ZNF407: variants seen among roughly 807,000 people sequenced by gnomAD.
ZNF407 encodes zinc finger protein 407.
ZNF407 carries 17 observed loss-of-function variants against 131.2 expected under a neutral mutation model. The observed-to-expected ratio is 0.13, with a 90% CI of 0.09 to 0.19. ZNF407 has a LOEUF of 0.19. ZNF407 is among the 10% of genes least tolerant of loss of function. ZNF407 has a pLI of 1.00. For synonymous variants in ZNF407, 1,156 were observed against 1,062.0 expected (o/e 1.09, Z -1.72); for missense variants, 2,681 against 2,830.6 (o/e 0.95, Z 1.20).
Position 74,961,057 on chromosome 18 carries a change from G to A in ZNF407, c.5428+40365G>A, listed in dbSNP as rs373677556. 4.0e-5 allele frequency among the ~76,000 whole-genome samples: 6 copies of A among 150,398 alleles called. No individual in the cohort carries two copies. The East Asian group carries it at 9.9e-4, about 25-fold the overall frequency. On this transcript the variant is annotated intron_variant, in intron 8 of 8. Coordinates refer to ENST00000299687, the MANE Select transcript of ZNF407 (RefSeq NM_017757.3). ...AGGAGAAGGTCCTGAGTGAGGACTG[G>A]GTGGAGGGATAGGAGAAGGTCCTGA...
At chr18:74,842,301 A>G (rs571144780) in intron 4 of ZNF407, among the ~76,000 whole-genome samples, 1 of 152,298 alleles carries the variant, frequency 6.6e-6, no homozygotes, top group Non-Finnish European at 1.5e-5. Flanking sequence ...GTTGGCCCAT[A>G]AATTTACAGC....
In ZNF407 at chr18:74,864,783, C is replaced by T. The variant is rs545339056; in HGVS notation, c.4878-12414C>T. On this transcript the variant is annotated intron_variant, in intron 4 of 8. Coordinates refer to ENST00000299687, the MANE Select transcript of ZNF407 (RefSeq NM_017757.3). ...AACTTGTGAGTGGCAAATAAGATCA[C>T]AATAAGATGAGGATGCTTGCGTAAT... is the stretch of plus-strand genomic sequence containing the variant. 3.9e-5 allele frequency among the ~76,000 whole-genome samples: 6 copies of T among 152,152 alleles called. No homozygotes were observed. The East Asian group carries it at 5.8e-4, about 15-fold the overall frequency.
At chr18:74,891,027 C>T (rs961272212) in intron 7 of ZNF407, among the ~76,000 whole-genome samples, 1 of 152,144 alleles carries the variant, frequency 6.6e-6, no homozygotes, top group Non-Finnish European at 1.5e-5. Flanking sequence ...GTGGCGGCAG[C>T]GAAGCCTTCG....
intron 4 of ZNF407, among the ~76,000 whole-genome samples, chr18:74,812,555 AGAGT>A (rs1378732008): frequency 3.2e-4 from 49 of 152,234 alleles, no homozygotes; most frequent in African/African-American, 1.0e-3. Context: ...ATGTGAAGTG[AGAGT>A]GAGAGAGAGA....
intron 4 of ZNF407, among the ~76,000 whole-genome samples, chr18:74,790,247 C>T (rs1456993779): frequency 6.6e-6 from 1 of 152,110 alleles, no homozygotes; most frequent in Non-Finnish European, 1.5e-5. Flanking sequence ...CTCTTATAAT[C>T]TTTACTAAAA....
chr18:74,640,920 G>T, intron 2 of ZNF407, 88 bp from the exon 3 acceptor site: 1 of 968,432 alleles, frequency 1.0e-6, no homozygotes, highest in Non-Finnish European at 1.6e-6. Flanking sequence ...TTAGGTTAAA[G>T]GTATGATTTA....
At chr18:74,717,567 G>A (rs963586324) in intron 3 of ZNF407, among the ~76,000 whole-genome samples, 1 of 152,118 alleles carries the variant, frequency 6.6e-6, no homozygotes, top group African/African-American at 2.4e-5. Flanking sequence ...AACAATTTGT[G>A]TGATCATTGT....
At chr18:74,733,136 T>C (rs547250134) in intron 3 of ZNF407, among the ~76,000 whole-genome samples, 113 of 152,208 alleles carry the variant, frequency 7.4e-4, no homozygotes, top group African/African-American at 2.5e-3. Flanking sequence ...TTTCAAGATA[T>C]AATAAGCAAG....
chr18:74,890,969 T>G (rs1016978218), intron 7 of ZNF407, among the ~76,000 whole-genome samples: 7 of 152,204 alleles, frequency 4.6e-5, no homozygotes, highest in Non-Finnish European at 1.0e-4. Flanking sequence ...TGCACTCACT[T>G]GCATCCGCAG....
intron 4 of ZNF407, among the ~76,000 whole-genome samples, chr18:74,853,308 C>T (rs948181535): frequency 1.3e-5 from 2 of 152,150 alleles, no homozygotes; most frequent in Non-Finnish European, 2.9e-5. Context: ...CTTCCGTTTT[C>T]CAGTTAACAG....
rs141014394 is a variant in ZNF407 at position 74,953,908 on chromosome 18, C to A, written c.5428+33216C>A. ...CTTTATTCTGGGAGAAAAGTTGAGA[C>A]CCTAATGGGAGGCGAGAAAAAACAA... On this transcript the variant is annotated intron_variant, in intron 8 of 8. Transcript: ENST00000299687. Among the ~76,000 whole-genome samples the A allele has an allele frequency of 1.5e-3, 227 of 152,188 alleles. 1 individual carries two copies. The highest frequency in any genetic ancestry group is 5.2e-3 in the African/African-American group (216 of 41,524).
chr18:74,870,135 C>T (rs979247576), intron 4 of ZNF407, among the ~76,000 whole-genome samples: 1 of 152,154 alleles, frequency 6.6e-6, no homozygotes, highest in Admixed American at 6.5e-5. Context: ...TAATATTCTG[C>T]TTAATGCTCC....
chr18:74,645,416 AT>A, intron 3 of ZNF407, among the ~76,000 whole-genome samples: 1 of 152,046 alleles, frequency 6.6e-6, no homozygotes, highest in Non-Finnish European at 1.5e-5. Flanking sequence ...TTACTGATTG[AT>A]TTACCTAAGT....
chr18:74,706,233 T>C (rs1281362318), intron 3 of ZNF407, among the ~76,000 whole-genome samples: 1 of 152,254 alleles, frequency 6.6e-6, no homozygotes. Context: ...TTTTTCATTC[T>C]AGTTCACTGT....
intron 4 of ZNF407, among the ~76,000 whole-genome samples, chr18:74,851,682 T>C (rs1162357263): frequency 6.6e-6 from 1 of 152,176 alleles, no homozygotes; most frequent in Non-Finnish European, 1.5e-5. Flanking sequence ...TCTTGATTTA[T>C]TTTATTCCAC....
intron 3 of ZNF407, among the ~76,000 whole-genome samples, chr18:74,780,724 A>G (rs549229324): frequency 1.3e-5 from 2 of 152,182 alleles, no homozygotes; most frequent in East Asian, 1.9e-4. Context: ...AAATAATCGC[A>G]TGACGTAAAT....
chr18:74,850,748 C>A (rs1289035951), intron 4 of ZNF407, among the ~76,000 whole-genome samples: 2 of 152,180 alleles, frequency 1.3e-5, no homozygotes, highest in African/African-American at 2.4e-5. Flanking sequence ...ATGTAGCAGC[C>A]CCTTACTTGC....
chr18:74,678,161 A>C (rs1320879314), intron 3 of ZNF407, among the ~76,000 whole-genome samples: 1 of 152,156 alleles, frequency 6.6e-6, no homozygotes, highest in Non-Finnish European at 1.5e-5. Context: ...TTTTGTTAGC[A>C]GAATCATTAC....
chr18:74,765,907 A>G (rs114906531), intron 3 of ZNF407, among the ~76,000 whole-genome samples: 2,858 of 152,040 alleles, frequency 0.019, 85 homozygotes, highest in African/African-American at 0.058. Context: ...TTTTTAATCA[A>G]TGGGAAGGAT....
Sources: gnomAD v4.1 joint callset for allele counts (sites outside exome capture counted in the v4.1 genomes callset) on GRCh38, gnomAD v4.1.1 for gene constraint, MANE v1.5 for transcripts, NCBI Gene and HGNC (gene_info 2026-07-23, HGNC 2026-07-21) for gene names.